DNHD1: variants seen among roughly 807,000 people sequenced by gnomAD.
DNHD1 encodes the protein dynein heavy chain domain-containing protein 1.
DNHD1 carries 383 observed loss-of-function variants against 458.1 expected under a neutral mutation model. The observed-to-expected ratio is 0.84, with a 90% CI of 0.77 to 0.91. The LOEUF (loss-of-function observed/expected upper bound fraction) is 0.91. DNHD1 is among the 40% of genes least tolerant of loss of function. The pLI, the probability that DNHD1 is intolerant of heterozygous loss-of-function variation, is 0.00. For missense variants in DNHD1, 5,336 were observed against 5,866.1 expected (o/e 0.91, Z 2.95); for synonymous variants, 2,203 against 2,376.9 (o/e 0.93, Z 2.13).
chr11:6,511,833 T>C (rs1431464824), intron 7 of DNHD1, among the ~76,000 whole-genome samples: 4 of 152,220 alleles, frequency 2.6e-5, no homozygotes, highest in African/African-American at 4.8e-5. Context: ...AAGGATGCAA[T>C]GATGGAGTCC....
Position 6,570,896 on chromosome 11 carries a change from C to T in DNHD1, c.13384C>T (p.Arg4462Cys). Reference protein sequence around the residue: ...SLQDLLTHVIRQDESDAPWSV... With the variant: ...SLQDLLTHVICQDESDAPWSV... Reference sequence around the variant, plus strand: ...GCAGGATCTGCTGACCCACGTGATTCGCCAAGACGAGTCCGACGCCCCGTG... The same window carrying T: ...GCAGGATCTGCTGACCCACGTGATTTGCCAAGACGAGTCCGACGCCCCGTG... Residue 4462 changes from arginine to cysteine, a missense_variant, in exon 42 of 43, where the codon CGC (arginine) becomes TGC (cysteine). Arg to Cys is a radical substitution (Grantham distance 180). This residue lies in a region of DNHD1 where 698 missense variants were observed against 664.9 expected (regional missense o/e 1.05). Coordinates refer to ENST00000254579, the MANE Select transcript of DNHD1 (RefSeq NM_144666.3). The T allele has an allele frequency of 6.2e-7, 1 of 1,613,710 alleles. No individual in the cohort carries two copies. Among genetic ancestry groups the T allele is most frequent in the Non-Finnish European group, 8.5e-7 (1 of 1,179,626 alleles).
At position 6,500,357 on chromosome 11, in the gene DNHD1, TC is replaced by T. The variant is rs1852109266; in HGVS notation, c.746+1397del. Among the ~76,000 whole-genome samples, 3 of 152,260 alleles carry T rather than the reference TC, an allele frequency of 2.0e-5. No individual in the cohort carries two copies. In the South Asian group the frequency reaches 6.2e-4, roughly 32 times the overall value. On this transcript the variant is annotated intron_variant, in intron 3 of 42. Transcript: ENST00000254579. The stretch of plus-strand genomic sequence containing the variant: ...CAGCTGTCTGTGGCACATTTACTGT[TC>T]GGGAAGAAGGCTAGTTTTACCTTTA...
rs373082651 is a variant in DNHD1, at chr11:6,528,671, C to T, written c.1987C>T (p.Arg663Cys). 92 of 1,551,668 alleles carry T rather than the reference C, an allele frequency of 5.9e-5. No homozygotes were observed. In the East Asian group the frequency reaches 1.3e-3, roughly 22 times the overall value. The change falls in exon 11 of 43, where the codon CGT becomes TGT. Residue 663 changes from arginine (R) to cysteine (C), a missense_variant. Physicochemically the swap from Arg to Cys is radical, Grantham distance 180 (BLOSUM62 -3). Coordinates refer to ENST00000254579, the MANE Select transcript of DNHD1 (RefSeq NM_144666.3). Reference protein sequence around the residue: ...SHPIAGILEVRGCRLRGQYFP... With the variant: ...SHPIAGILEVCGCRLRGQYFP... ...CCCAATTGCTGGTATCTTGGAGGTCCGTGGATGTCGGCTGCGGGGCCAATA... is the reference window on the plus strand; with the variant it reads ...CCCAATTGCTGGTATCTTGGAGGTCTGTGGATGTCGGCTGCGGGGCCAATA...
Position 6,564,628 on chromosome 11 carries a change from T to A in DNHD1, c.10580T>A (p.Leu3527Gln), listed in dbSNP as rs1043482949. The A allele has an allele frequency of 4.4e-5, 69 of 1,551,600 alleles. No individual in the cohort carries two copies. Among genetic ancestry groups the A allele is most frequent in the Non-Finnish European group, 5.7e-5 (65 of 1,147,002 alleles). Residue 3527 changes from leucine (L) to glutamine (Q), a missense_variant, in exon 32 of 43, where the codon CTG (leucine) becomes CAG (glutamine). Leu to Gln is a moderately radical substitution (Grantham distance 113). Coordinates refer to ENST00000254579, the MANE Select transcript of DNHD1 (RefSeq NM_144666.3). ...ESEQYQWDGN[L>Q]KPQAKSAHLA... ...GAGCAGTACCAGTGGGATGGAAACCTGAAGCCACAGGCAAAGTCGGCCCAC... is the reference window on the plus strand; with the variant it reads ...GAGCAGTACCAGTGGGATGGAAACCAGAAGCCACAGGCAAAGTCGGCCCAC...
chr11:6,570,459 C>T, intron 41 of DNHD1, 63 bp downstream of exon 41: 1 of 1,524,342 alleles, frequency 6.6e-7, no homozygotes, highest in Non-Finnish European at 8.8e-7. Context: ...CCACCCCCCA[C>T]AGAAATGTGG....
chr11:6,546,615 G>C lies in DNHD1; in HGVS notation c.5676G>C (p.Lys1892Asn). 2 of 1,551,724 alleles carry C rather than the reference G, an allele frequency of 1.3e-6. No homozygotes were observed. The highest frequency in any genetic ancestry group is 1.7e-6 in the Non-Finnish European group (2 of 1,146,946). ...EDTIRTLNVT[K>N]EEPKCQKPRS... is the part of the protein sequence containing the mutation. ...CAATACGGACACTAAATGTGACCAA[G>C]GAGGAACCGAAGTGCCAGAAGCCTC... Residue 1892 changes from lysine (K) to asparagine (N), a missense_variant, in exon 21 of 43, where the codon AAG (lysine) becomes AAC (asparagine). Transcript: ENST00000254579.
In DNHD1 at chr11:6,547,548, G is replaced by A. The variant is rs1398692942; in HGVS notation, c.6609G>A (p.Gln2203=). ...GCCAAGGTGTCAGCTCTCTGCTGCA[G>A]GTACACGGGCAGCAGGCTGTTTGTG... ...LTCQGVSSLL[Q]VHGQQAVCAG... Residue 2203 remains glutamine (Q), a synonymous_variant, in exon 21 of 43, where the codon CAG becomes CAA. Transcript: ENST00000254579. The A allele has an allele frequency of 1.9e-6, 3 of 1,551,066 alleles. No homozygotes were observed. Among genetic ancestry groups the A allele is most frequent in the East Asian group, 2.4e-5 (1 of 40,894 alleles).
At chr11:6,514,898 C>T (rs550963531) in intron 7 of DNHD1, among the ~76,000 whole-genome samples, 30 of 152,182 alleles carry the variant, frequency 2.0e-4, no homozygotes, top group Middle Eastern at 3.4e-3. Context: ...GAGCATCTGG[C>T]GAGAGTCTCA....
rs1395421689 is a variant in DNHD1 at position 6,564,355 on chromosome 11, CTG to C, written c.10311_10312del (p.Phe3438TrpfsTer33). On this transcript the variant is annotated frameshift_variant, in exon 32 of 43. Transcript: ENST00000254579. LOFTEE classifies it high-confidence loss of function. ...CAGAAGCTGAAGGGACGCTGCATGA[CTG>C]TGTTTGGAGATACCCTCCTATGTTC... is the stretch of plus-strand genomic sequence containing the variant. The C allele has an allele frequency of 1.9e-6, 3 of 1,544,608 alleles. No homozygotes were observed. Among genetic ancestry groups the C allele is most frequent in the Non-Finnish European group, 8.8e-7 (1 of 1,141,770 alleles).
intron 12 of DNHD1, among the ~76,000 whole-genome samples, chr11:6,531,127 A>G (rs1852820855): frequency 1.3e-5 from 2 of 152,008 alleles, no homozygotes; most frequent in South Asian, 4.2e-4. Context: ...TATTTTTTTC[A>G]TTTCACCTTA....
At chr11:6,544,031 T>A in intron 18 of DNHD1, 90 bp from the exon 19 acceptor site, 3 of 1,045,092 alleles carry the variant, frequency 2.9e-6, no homozygotes, top group Non-Finnish European at 1.3e-6. Flanking sequence ...TGTAACTGCC[T>A]CTCCTGGAAG....
At chr11:6,561,634 C>T (rs1260103351) in intron 28 of DNHD1, among the ~76,000 whole-genome samples, 2 of 152,108 alleles carry the variant, frequency 1.3e-5, no homozygotes, top group Non-Finnish European at 2.9e-5. Flanking sequence ...GCAGAGTGCC[C>T]CGCTGTGCAG....
At chr11:6,515,067 A>G (rs1418502190) in intron 7 of DNHD1, among the ~76,000 whole-genome samples, 1 of 152,220 alleles carries the variant, frequency 6.6e-6, no homozygotes, top group Non-Finnish European at 1.5e-5. Flanking sequence ...ATGTGAGTTA[A>G]GCCCTCTTAG....
intron 7 of DNHD1, among the ~76,000 whole-genome samples, chr11:6,514,433 A>AT (rs983521995): frequency 9.3e-5 from 14 of 150,548 alleles, no homozygotes; most frequent in Admixed American, 3.3e-4. Context: ...ACCAACACTT[A>AT]TTTTTTTTCT....
chr11:6,517,970 A>G (rs916531386), intron 7 of DNHD1, among the ~76,000 whole-genome samples: 1 of 152,180 alleles, frequency 6.6e-6, no homozygotes, highest in Non-Finnish European at 1.5e-5. Flanking sequence ...GAATCTGTGG[A>G]TGGAAAATTT....
intron 4 of DNHD1, among the ~76,000 whole-genome samples, chr11:6,507,032 A>G (rs1025089391): frequency 6.6e-6 from 1 of 152,174 alleles, no homozygotes. Context: ...GATGTTTTGG[A>G]AACAGCTGAA....
In DNHD1 at chr11:6,570,329, C is replaced by A. The variant is rs1468209170; in HGVS notation, c.13038C>A (p.Pro4346=). The A allele has an allele frequency of 6.2e-7, 1 of 1,612,898 alleles. No homozygotes were observed. Among genetic ancestry groups the A allele is most frequent in the Non-Finnish European group, 8.5e-7 (1 of 1,179,512 alleles). The change falls in exon 41 of 43, where the codon CCC becomes CCA. Residue 4346 remains proline (P), a synonymous_variant. Coordinates refer to ENST00000254579, the MANE Select transcript of DNHD1 (RefSeq NM_144666.3). ...GCCTCACACAAGCCTGCCTGAGCCC[C>A]AGTAGTGGGAGCTGGGTCCAGCCAC... ...LISLTQACLS[P]SSGSWVQPHT...
rs145119715 is a variant in DNHD1 at position 6,546,361 on chromosome 11, C to T, written c.5422C>T (p.Arg1808Cys). The T allele has an allele frequency of 0.026, 41,077 of 1,552,160 alleles. 652 individuals are homozygous for T. The highest frequency in any genetic ancestry group is 0.03 in the Non-Finnish European group (34,626 of 1,147,080). ...RLGYGCLLVL[R>C]ALSSAVPANL... ...TGGCTATGGCTGTCTCCTGGTACTG[C>T]GTGCCCTGAGCTCTGCTGTGCCTGC... The change falls in exon 21 of 43, where the codon CGT (arginine) becomes TGT (cysteine). Residue 1808 changes from arginine (R) to cysteine (C), a missense_variant. By Grantham distance (180) the Arg-to-Cys change is radical. Coordinates refer to ENST00000254579, the MANE Select transcript of DNHD1 (RefSeq NM_144666.3).
intron 24 of DNHD1, among the ~76,000 whole-genome samples, chr11:6,549,691 C>T (rs1589887736): frequency 6.6e-6 from 1 of 152,214 alleles, no homozygotes; most frequent in African/African-American, 2.4e-5. Flanking sequence ...TCTGTGATAA[C>T]CATGATTTTA....
Sources: allele counts gnomAD v4.1 joint callset (sites outside exome capture counted in the v4.1 genomes callset), GRCh38; gene constraint gnomAD v4.1.1; regional missense constraint gnomAD v4.1.1; transcripts MANE v1.5; gene names NCBI Gene and HGNC (gene_info 2026-07-23, HGNC 2026-07-21).